ERBB4: variants seen among roughly 807,000 people sequenced by gnomAD.
The protein encoded by ERBB4 is erb-b2 receptor tyrosine kinase 4.
A neutral mutation model predicts 158.0 loss-of-function variants in ERBB4; 42 were observed. The ratio of observed to expected loss-of-function variants is 0.27; its 90% CI spans 0.21 to 0.34. The LOEUF (loss-of-function observed/expected upper bound fraction) is 0.34, where lower values mean the gene tolerates loss of function less well. Among genes scored for constraint, ERBB4 ranks in the 10% least tolerant of loss-of-function variants. The pLI, the probability that ERBB4 is intolerant of heterozygous loss-of-function variation, is 1.00. For synonymous variants in ERBB4, 583 were observed against 558.7 expected (o/e 1.04, Z -0.61); for missense variants, 1,333 against 1,624.1 (o/e 0.82, Z 3.08).
intron 1 of ERBB4, among the ~76,000 whole-genome samples, chr2:212,354,309 T>C (rs1010183461): frequency 3.3e-5 from 5 of 152,052 alleles, no homozygotes; most frequent in Admixed American, 2.0e-4. Flanking sequence ...TTTTGAATGA[T>C]TGAAGAGCTG....
chr2:211,989,773 C>A (rs1388778239), intron 2 of ERBB4, among the ~76,000 whole-genome samples: 2 of 151,870 alleles, frequency 1.3e-5, no homozygotes, highest in Non-Finnish European at 2.9e-5. Context: ...AATGAGTCTT[C>A]AGTGAATGTT....
At chr2:211,887,732 G>T (rs2106171099) in intron 3 of ERBB4, among the ~76,000 whole-genome samples, 1 of 152,058 alleles carries the variant, frequency 6.6e-6, no homozygotes, top group Non-Finnish European at 1.5e-5. Context: ...CAAATTTATT[G>T]ATCCTGCAAA....
intron 12 of ERBB4, among the ~76,000 whole-genome samples, chr2:211,680,835 ATCTGTGTCTGTG>A (rs2072305971): frequency 6.6e-6 from 1 of 152,156 alleles, no homozygotes; most frequent in Non-Finnish European, 1.5e-5. Context: ...ATGTGTGTGT[ATCTGTGTCTGTG>A]TGCAGCAGTT....
At chr2:212,503,878 GA>G (rs72262983) in intron 1 of ERBB4, among the ~76,000 whole-genome samples, 28,708 of 148,324 alleles carry the variant, frequency 0.19, 2,855 homozygotes, top group Non-Finnish European at 0.2. Flanking sequence ...AACAAAAAGA[GA>G]AAAAAAAAAT....
At chr2:211,680,121 A>T (rs922788283) in intron 12 of ERBB4, among the ~76,000 whole-genome samples, 3 of 152,184 alleles carry the variant, frequency 2.0e-5, no homozygotes, top group African/African-American at 7.2e-5. Flanking sequence ...GTAGAGATTA[A>T]AGCAGTAACA....
chr2:212,025,766 G>C (rs1177864600), intron 2 of ERBB4, among the ~76,000 whole-genome samples: 2 of 151,670 alleles, frequency 1.3e-5, no homozygotes, highest in Non-Finnish European at 3.0e-5. Context: ...AAAAGGTCAT[G>C]GGTCATCTTC....
chr2:212,378,953 G>T (rs570266123), intron 1 of ERBB4, among the ~76,000 whole-genome samples: 2 of 151,614 alleles, frequency 1.3e-5, no homozygotes, highest in African/African-American at 4.8e-5. Context: ...AATATTCATC[G>T]TATGGCACCC....
chr2:212,223,581 T>C (rs2083376778), intron 1 of ERBB4, among the ~76,000 whole-genome samples: 1 of 151,294 alleles, frequency 6.6e-6, no homozygotes, highest in Non-Finnish European at 1.5e-5. Flanking sequence ...CCTCAAAATA[T>C]TGAGGAAATG....
chr2:211,895,554 C>A (rs1047993457), intron 3 of ERBB4, among the ~76,000 whole-genome samples: 29 of 152,112 alleles, frequency 1.9e-4, no homozygotes, highest in African/African-American at 7.0e-4. Context: ...CCACCATGCC[C>A]AGCCTCCTTT....
chr2:212,126,153 C>A (rs1053533166), intron 1 of ERBB4, among the ~76,000 whole-genome samples: 1 of 152,082 alleles, frequency 6.6e-6, no homozygotes, highest in Admixed American at 6.5e-5. Context: ...CAAGTTTACA[C>A]AAGTTTTTGT....
intron 1 of ERBB4, among the ~76,000 whole-genome samples, chr2:212,413,139 T>C (rs2091549679): frequency 6.9e-6 from 1 of 144,620 alleles, no homozygotes; most frequent in Non-Finnish European, 1.5e-5. Context: ...GGCTAATTTT[T>C]TTTTTTTTTT....
At chr2:212,202,215 T>C (rs769030920) in intron 1 of ERBB4, among the ~76,000 whole-genome samples, 1 of 152,214 alleles carries the variant, frequency 6.6e-6, no homozygotes, top group Non-Finnish European at 1.5e-5. Context: ...TAAGTGATAG[T>C]AACTTTCTTT....
intron 20 of ERBB4, among the ~76,000 whole-genome samples, chr2:211,514,633 A>G (rs2065976463): frequency 6.6e-6 from 1 of 152,146 alleles, no homozygotes; most frequent in African/African-American, 2.4e-5. Flanking sequence ...TGAAGGTGCA[A>G]AAATATATAT....
intron 3 of ERBB4, among the ~76,000 whole-genome samples, chr2:211,855,152 G>C (rs1226757379): frequency 1.3e-5 from 2 of 152,056 alleles, no homozygotes; most frequent in Middle Eastern, 3.2e-3. Flanking sequence ...TCTTCTGTTG[G>C]AGAGTGCTCC....
chr2:211,952,054 A>G (rs1410366184), intron 2 of ERBB4, among the ~76,000 whole-genome samples: 2 of 152,098 alleles, frequency 1.3e-5, no homozygotes, highest in African/African-American at 4.8e-5. Flanking sequence ...TGTTGCTCTA[A>G]TCTTTTATAT....
chr2:211,533,636 CA>C (rs1280805846), intron 20 of ERBB4, among the ~76,000 whole-genome samples: 1 of 151,978 alleles, frequency 6.6e-6, no homozygotes, highest in Admixed American at 6.6e-5. Context: ...GAACAGACAA[CA>C]TTTTTTTTAC....
At chr2:211,854,765 A>G (rs1159968313) in intron 3 of ERBB4, among the ~76,000 whole-genome samples, 2 of 152,064 alleles carry the variant, frequency 1.3e-5, no homozygotes. Context: ...TAGCACCAAT[A>G]ATGCTACCAT....
chr2:212,050,807 G>A (rs374739712), intron 2 of ERBB4, among the ~76,000 whole-genome samples: 1 of 151,976 alleles, frequency 6.6e-6, no homozygotes, highest in African/African-American at 2.4e-5. Context: ...ACTAAGAACC[G>A]AATACTTGTT....
chr2:211,465,740 G>C (rs544528132), intron 20 of ERBB4, among the ~76,000 whole-genome samples: 1 of 152,216 alleles, frequency 6.6e-6, no homozygotes, highest in African/African-American at 2.4e-5. Context: ...CTTGCCGGTC[G>C]AGAGTAGCCA....
Sources: allele counts gnomAD v4.1 joint callset (sites outside exome capture counted in the v4.1 genomes callset), GRCh38; gene constraint gnomAD v4.1.1; transcripts MANE v1.5; gene names NCBI Gene and HGNC (gene_info 2026-07-23, HGNC 2026-07-21).